RBFOX1: variants seen among roughly 807,000 people sequenced by gnomAD.
RBFOX1 encodes RNA binding protein fox-1 homolog 1.
RBFOX1 carries 8 observed loss-of-function variants against 57.7 expected under a neutral mutation model. The observed-to-expected ratio is 0.14, with a 90% CI of 0.08 to 0.25. The LOEUF is 0.25. RBFOX1 is among the 10% of genes least tolerant of loss of function. RBFOX1 has a pLI of 1.00. For missense variants in RBFOX1, 611 were observed against 548.5 expected (o/e 1.11, Z -1.14); for synonymous variants, 326 against 222.4 (o/e 1.47, Z -4.15).
intron 2 of RBFOX1, among the ~76,000 whole-genome samples, chr16:5,503,954 T>G (rs996847446): frequency 6.6e-6 from 1 of 152,156 alleles, no homozygotes; most frequent in Non-Finnish European, 1.5e-5. Flanking sequence ...CCTCCTTTCT[T>G]CTTTGCTGAG....
chr16:6,546,880 C>G (rs190474462), intron 2 of RBFOX1, among the ~76,000 whole-genome samples: 15 of 152,296 alleles, frequency 9.8e-5, no homozygotes, highest in African/African-American at 3.1e-4. Flanking sequence ...GATCATGCCT[C>G]CGAAGTCCAT....
At chr16:5,426,451 G>A (rs193216421) in intron 1 of RBFOX1, among the ~76,000 whole-genome samples, 3 of 152,182 alleles carry the variant, frequency 2.0e-5, no homozygotes, top group Admixed American at 1.3e-4. Flanking sequence ...TGCAGCCACC[G>A]CCAGGGTGTC....
At chr16:6,596,045 T>G (rs1260509544) in intron 2 of RBFOX1, among the ~76,000 whole-genome samples, 1 of 152,096 alleles carries the variant, frequency 6.6e-6, no homozygotes, top group Non-Finnish European at 1.5e-5. Context: ...CACATGTGAT[T>G]TGAAAATATT....
chr16:5,713,439 T>C (rs1181551637), intron 3 of RBFOX1, among the ~76,000 whole-genome samples: 3 of 152,174 alleles, frequency 2.0e-5, no homozygotes, highest in African/African-American at 7.2e-5. Context: ...GTTGCTGTTT[T>C]TGAAGTAAAA....
chr16:6,184,004 A>T (rs2097088098), intron 1 of RBFOX1, among the ~76,000 whole-genome samples: 1 of 152,210 alleles, frequency 6.6e-6, no homozygotes, highest in Non-Finnish European at 1.5e-5. Context: ...CCAGTTCCAC[A>T]TGGCTGGGGA....
At chr16:6,581,941 G>T (rs1412267850) in intron 2 of RBFOX1, among the ~76,000 whole-genome samples, 1 of 152,120 alleles carries the variant, frequency 6.6e-6, no homozygotes, top group African/African-American at 2.4e-5. Flanking sequence ...TATGAAACCG[G>T]GGCATTTTTG....
intron 3 of RBFOX1, among the ~76,000 whole-genome samples, chr16:6,842,679 G>C (rs1327355440): frequency 7.0e-6 from 1 of 142,430 alleles, no homozygotes; most frequent in Non-Finnish European, 1.5e-5. Context: ...TTTACTTCAA[G>C]TTCTGGGATA....
At chr16:6,869,097 G>A (rs2060432115) in intron 3 of RBFOX1, among the ~76,000 whole-genome samples, 1 of 152,314 alleles carries the variant, frequency 6.6e-6, no homozygotes, top group African/African-American at 2.4e-5. Flanking sequence ...TTCAGGGGCT[G>A]TTTATTACAG....
At chr16:7,210,667 C>G (rs1389880368) in intron 4 of RBFOX1, among the ~76,000 whole-genome samples, 3 of 152,102 alleles carry the variant, frequency 2.0e-5, no homozygotes, top group African/African-American at 7.2e-5. Context: ...GTCAGGCATG[C>G]TGTTAAAGTT....
rs373678115 is a variant in RBFOX1 at position 6,008,347 on chromosome 16, A to G, written c.351+141012A>G. 2.6e-4 allele frequency among the ~76,000 whole-genome samples: 39 copies of G among 152,100 alleles called. No individual in the cohort carries two copies. The East Asian group carries it at 3.3e-3, about 13-fold the overall frequency. On this transcript the variant is annotated intron_variant, in intron 4 of 19. Coordinates refer to the RBFOX1 transcript ENST00000641259. ...AGAGCTGCCAGGAGATTGTTAATAC[A>G]TCCTATGATGAAGAAATAGCAGCTG... is the stretch of plus-strand genomic sequence containing the variant.
intron 3 of RBFOX1, among the ~76,000 whole-genome samples, chr16:6,718,099 C>G (rs2065196884): frequency 6.6e-6 from 1 of 152,146 alleles, no homozygotes; most frequent in Non-Finnish European, 1.5e-5. Context: ...TACTTCTTAC[C>G]CATCTGGTGG....
intron 5 of RBFOX1, among the ~76,000 whole-genome samples, chr16:7,547,675 T>G (rs972758067): frequency 6.6e-6 from 1 of 152,218 alleles, no homozygotes. Flanking sequence ...CAAATTAGAC[T>G]TTTAAATATT....
At chr16:5,764,646 G>C (rs1181963342) in intron 3 of RBFOX1, among the ~76,000 whole-genome samples, 1 of 152,134 alleles carries the variant, frequency 6.6e-6, no homozygotes, top group African/African-American at 2.4e-5. Context: ...AGGGAAGAAA[G>C]AGGCAATTAT....
At chr16:5,541,638 G>C (rs2151061082) in intron 2 of RBFOX1, among the ~76,000 whole-genome samples, 1 of 152,292 alleles carries the variant, frequency 6.6e-6, no homozygotes, top group Admixed American at 6.5e-5. Context: ...ATGGGAGGCA[G>C]GTTGGCCCTG....
At chr16:6,044,201 A>G (rs913722852) in intron 1 of RBFOX1, among the ~76,000 whole-genome samples, 6 of 152,340 alleles carry the variant, frequency 3.9e-5, no homozygotes, top group African/African-American at 1.2e-4. Context: ...GAATTAGGCT[A>G]GGCTAAATCT....
intron 4 of RBFOX1, among the ~76,000 whole-genome samples, chr16:7,428,539 A>ATTATTATTT: frequency 7.0e-6 from 1 of 141,970 alleles, no homozygotes; most frequent in South Asian, 2.2e-4. Context: ...TATTATTATT[A>ATTATTATTT]TTTGTAGTTT....
chr16:7,691,434 AAACGG>A (rs2077306381), intron 14 of RBFOX1, among the ~76,000 whole-genome samples: 1 of 141,746 alleles, frequency 7.1e-6, no homozygotes. Flanking sequence ...AACGGAAAGA[AAACGG>A]AAAGGAAAGG....
chr16:6,698,683 A>T (rs1466030460), intron 3 of RBFOX1, among the ~76,000 whole-genome samples: 1 of 152,132 alleles, frequency 6.6e-6, no homozygotes, highest in African/African-American at 2.4e-5. Flanking sequence ...ACATTATTCT[A>T]TGCTATTTTC....
intron 4 of RBFOX1, among the ~76,000 whole-genome samples, chr16:7,071,999 A>G (rs182767941): frequency 2.2e-4 from 34 of 152,242 alleles, no homozygotes; most frequent in South Asian, 4.2e-4. Flanking sequence ...TCCTCTCAAA[A>G]TTCACTCTCG....
Sources: allele counts gnomAD v4.1 joint callset (sites outside exome capture counted in the v4.1 genomes callset), GRCh38; gene constraint gnomAD v4.1.1; transcripts MANE v1.5; gene names NCBI Gene and HGNC (gene_info 2026-07-23, HGNC 2026-07-21).